The following AK5 variants were observed in gnomAD, a reference collection of about 807,000 sequenced individuals.
The protein encoded by AK5 is adenylate kinase isoenzyme 5.
In AK5, 27 loss-of-function variants were observed where a neutral mutation model predicts 69.5. That is an observed-to-expected ratio of 0.39 (90% confidence interval 0.29 to 0.54). AK5 has a LOEUF of 0.54. AK5 is among the 20% of genes least tolerant of loss of function. The probability of loss-of-function intolerance (pLI) is 0.71; values close to 1 mark genes in which losing one functional copy is unlikely to be tolerated. For missense variants in AK5, 531 were observed against 700.4 expected (o/e 0.76, Z 2.73); for synonymous variants, 260 against 244.4 (o/e 1.06, Z -0.60).
chr1:77,313,806 C>A (rs950770067), intron 5 of AK5: 1 of 532,692 alleles, frequency 1.9e-6, no homozygotes. Context: ...ACAGCCTACG[C>A]CCTCAGACAA....
intron 6 of AK5, among the ~76,000 whole-genome samples, chr1:77,345,112 G>T (rs1023351301): frequency 8.5e-5 from 13 of 152,098 alleles, no homozygotes; most frequent in African/African-American, 3.1e-4. Context: ...CAGGGAAATG[G>T]ATATACACTT....
At chr1:77,384,293 A>G (rs970796163) in intron 6 of AK5, among the ~76,000 whole-genome samples, 1 of 152,230 alleles carries the variant, frequency 6.6e-6, no homozygotes, top group Non-Finnish European at 1.5e-5. Flanking sequence ...GTTGTAAAAG[A>G]TAGTTGAAAG....
intron 8 of AK5, among the ~76,000 whole-genome samples, chr1:77,473,082 G>C (rs1176883993): frequency 2.0e-5 from 3 of 152,102 alleles, no homozygotes; most frequent in Admixed American, 6.5e-5. Flanking sequence ...CAAGTTCCAA[G>C]TATTAGGACA....
chr1:77,367,617 A>ATGTAAAATATG (rs1557533018), intron 6 of AK5, among the ~76,000 whole-genome samples: 19 of 99,478 alleles, frequency 1.9e-4, no homozygotes, highest in South Asian at 2.8e-4. Flanking sequence ...TGTAATATAT[A>ATGTAAAATATG]TGTTATATAT....
chr1:77,309,624 T>C lies in AK5; in HGVS notation c.699+11677T>C, dbSNP rs76688783. ...TTTCATGTTGCTTTAAAATTTGTTT[T>C]ATCATCAGTACTTACCTTTTTATTT... On this transcript the variant is annotated intron_variant, in intron 5 of 13. Coordinates refer to ENST00000354567, the MANE Select transcript of AK5 (RefSeq NM_174858.3). Among the ~76,000 whole-genome samples the C allele has an allele frequency of 2.7e-3, 413 of 152,312 alleles. 9 individuals carry two copies. Among genetic ancestry groups the C allele is most frequent in the African/African-American group, 9.4e-3 (391 of 41,534 alleles).
At chr1:77,333,102 A>T (rs1661172801) in intron 5 of AK5, among the ~76,000 whole-genome samples, 1 of 151,714 alleles carries the variant, frequency 6.6e-6, no homozygotes, top group African/African-American at 2.4e-5. Flanking sequence ...GCTGTGTTTG[A>T]TATTTGTATA....
chr1:77,373,960 A>G (rs1048013734), intron 6 of AK5, among the ~76,000 whole-genome samples: 15 of 152,228 alleles, frequency 9.9e-5, no homozygotes, highest in Non-Finnish European at 2.1e-4. Flanking sequence ...TTATCCTAAC[A>G]TCAAAAATTG....
At chr1:77,492,904 G>C (rs1446866704) in intron 10 of AK5, among the ~76,000 whole-genome samples, 1 of 152,222 alleles carries the variant, frequency 6.6e-6, no homozygotes, top group Non-Finnish European at 1.5e-5. Flanking sequence ...CTGCAAGGTG[G>C]GAGAATGGCC....
intron 5 of AK5, among the ~76,000 whole-genome samples, chr1:77,333,541 A>C (rs1212339530): frequency 1.4e-5 from 2 of 143,702 alleles, no homozygotes; most frequent in African/African-American, 2.6e-5. Context: ...TTATTTTTAA[A>C]TCTCCCCCCC....
At chr1:77,468,969 T>G (rs1654306764) in intron 8 of AK5, among the ~76,000 whole-genome samples, 1 of 152,228 alleles carries the variant, frequency 6.6e-6, no homozygotes, top group Non-Finnish European at 1.5e-5. Flanking sequence ...GGGGAAATTA[T>G]AGCAGACAGC....
intron 6 of AK5, among the ~76,000 whole-genome samples, chr1:77,341,251 A>G (rs1163163503): frequency 3.3e-5 from 5 of 152,232 alleles, no homozygotes; most frequent in African/African-American, 1.2e-4. Context: ...AGGTTCAGCT[A>G]AATTTATGAT....
intron 6 of AK5, among the ~76,000 whole-genome samples, chr1:77,375,280 C>T (rs956643152): frequency 6.6e-6 from 1 of 152,174 alleles, no homozygotes; most frequent in African/African-American, 2.4e-5. Context: ...ATAATTTTAT[C>T]TGGCATGCCA....
At chr1:77,371,098 C>T (rs1647113870) in intron 6 of AK5, among the ~76,000 whole-genome samples, 1 of 152,198 alleles carries the variant, frequency 6.6e-6, no homozygotes. Flanking sequence ...AATATTTACA[C>T]TCCCTTTCCA....
intron 6 of AK5, among the ~76,000 whole-genome samples, chr1:77,385,656 A>T (rs1256571740): frequency 1.3e-5 from 2 of 152,206 alleles, no homozygotes; most frequent in Non-Finnish European, 2.9e-5. Flanking sequence ...TATACACAAC[A>T]AAAAGCAATG....
chr1:77,298,523 G>A (rs975668305), intron 5 of AK5, among the ~76,000 whole-genome samples: 1 of 151,818 alleles, frequency 6.6e-6, no homozygotes, highest in Non-Finnish European at 1.5e-5. Context: ...AAAAATTAAG[G>A]CTGGACTCAG....
At chr1:77,391,495 G>GTATGTGTATATATATATA (rs1553144161) in intron 6 of AK5, among the ~76,000 whole-genome samples, 7 of 63,410 alleles carry the variant, frequency 1.1e-4, no homozygotes, top group African/African-American at 3.7e-4. Context: ...GTGTGTGTGT[G>GTATGTGTATATATATATA]TATATATATA....
chr1:77,424,377 C>T (rs1052311379), intron 8 of AK5, among the ~76,000 whole-genome samples: 3 of 152,140 alleles, frequency 2.0e-5, no homozygotes, highest in African/African-American at 7.2e-5. Flanking sequence ...CCTCTTGCCT[C>T]AGCCTCTTGA....
chr1:77,339,596 A>G (rs1460799780), intron 5 of AK5, among the ~76,000 whole-genome samples: 1 of 152,084 alleles, frequency 6.6e-6, no homozygotes, highest in Non-Finnish European at 1.5e-5. Context: ...TCATCTATGA[A>G]ATGGAGATAA....
At chr1:77,351,790 A>C (rs936986286) in intron 6 of AK5, among the ~76,000 whole-genome samples, 3 of 152,168 alleles carry the variant, frequency 2.0e-5, no homozygotes, top group African/African-American at 7.2e-5. Context: ...TTAGCTTTAC[A>C]ACCTCTGATG....
Sources: gnomAD v4.1 joint callset for allele counts (sites outside exome capture counted in the v4.1 genomes callset) on GRCh38, gnomAD v4.1.1 for gene constraint, MANE v1.5 for transcripts, NCBI Gene and HGNC (gene_info 2026-07-23, HGNC 2026-07-21) for gene names.